Variants in MACF1 observed in about 807,000 individuals in gnomAD.
MACF1 encodes the protein microtubule-actin cross-linking factor 1.
MACF1 carries 193 observed loss-of-function variants against 854.8 expected under a neutral mutation model. That is an observed-to-expected ratio of 0.23 (90% CI 0.20 to 0.25). The LOEUF (loss-of-function observed/expected upper bound fraction) is 0.25. MACF1 is among the 10% of genes least tolerant of loss of function. The probability of loss-of-function intolerance (pLI) is 1.00; values close to 1 mark genes in which losing one functional copy is unlikely to be tolerated. For missense variants in MACF1, 7,722 were observed against 8,929.1 expected, an observed-to-expected ratio of 0.86 and a Z score of 5.45; for synonymous variants, 3,185 against 3,226.7, an observed-to-expected ratio of 0.99 and a Z score of 0.44.
At chr1:39,453,205 G>A (rs1483188189) in intron 87 of MACF1, among the ~76,000 whole-genome samples, 2 of 152,030 alleles carry the variant, frequency 1.3e-5, no homozygotes, top group East Asian at 3.9e-4. Flanking sequence ...GCAGTGTCTG[G>A]GGTCTCAGTC....
chr1:39,205,845 G>C (rs1644444244), intron 1 of MACF1, among the ~76,000 whole-genome samples: 1 of 151,950 alleles, frequency 6.6e-6, no homozygotes, highest in South Asian at 2.1e-4. Flanking sequence ...TTCCCATATT[G>C]CTATTAGTTA....
rs747118167 is a variant in MACF1, at chr1:39,295,130, C to G, written c.2239C>G (p.Pro747Ala). Reference protein sequence around the residue: ...TAELLSLENHPAKQTVEAYSA... With the variant: ...TAELLSLENHAAKQTVEAYSA... ...AGAACTACTTTCACTTGAGAACCAC[C>G]CAGCCAAGCAGACAGTGGAGGTGTG... The change falls in exon 19 of 101, where the codon CCA (proline) becomes GCA (alanine). Residue 747 changes from proline to alanine, a missense_variant. Pro to Ala is a conservative substitution (Grantham distance 27, BLOSUM62 -1). This residue lies in a region of MACF1 where 1,137 missense variants were observed against 1,263.0 expected (regional missense o/e 0.90). Transcript: ENST00000564288. 1 of 1,613,836 alleles carries G rather than the reference C, an allele frequency of 6.2e-7. No homozygotes were observed. The highest frequency in any genetic ancestry group is 8.5e-7 in the Non-Finnish European group (1 of 1,179,854).
At position 39,332,737 on chromosome 1, in the gene MACF1, A is replaced by C. The variant is rs745676927; in HGVS notation, c.6149A>C (p.Glu2050Ala). The change falls in exon 37 of 101, where the codon GAA becomes GCA. Residue 2050 changes from glutamate (E) to alanine (A), a missense_variant. Transcript: ENST00000564288. ...TTCCAGTTTTCTTCTCAGAACAAAG[A>C]ATATCCCGATCGGGAAGATTGCACT... ...PEFQFSSQNK[E>A]YPDREDCTTE... The C allele has an allele frequency of 6.2e-7, 1 of 1,614,228 alleles. No homozygotes were observed. Among genetic ancestry groups the C allele is most frequent in the African/African-American group, 1.3e-5 (1 of 75,070 alleles).
At chr1:39,275,595 G>A (rs2252890) in intron 6 of MACF1, among the ~76,000 whole-genome samples, 9,172 of 152,156 alleles carry the variant, frequency 0.06, 359 homozygotes, top group African/African-American at 0.11. Flanking sequence ...TGTAGGCGAG[G>A]ATGAAGAGTG....
At position 39,297,780 on chromosome 1, in the gene MACF1, A is replaced by T. The variant is rs747549411; in HGVS notation, c.2481+35A>T. 4 of 1,611,504 alleles carry T rather than the reference A, an allele frequency of 2.5e-6. No individual in the cohort carries two copies. The East Asian group carries it at 8.9e-5, about 36-fold the overall frequency. On this transcript the variant is annotated intron_variant, in intron 21 of 100. Coordinates refer to ENST00000564288, the MANE Select transcript of MACF1 (RefSeq NM_001394062.1). ...GCCTCAGTGGGGATGATTACTTCTG[A>T]GAAAGAGAGTAAACCATATCAGCTG...
intron 23 of MACF1, chr1:39,304,594 T>G: frequency 9.9e-6 from 7 of 706,728 alleles, no homozygotes; most frequent in Non-Finnish European, 1.4e-5. Flanking sequence ...GACAGAGCCT[T>G]GCTCTGTCGC....
intron 33 of MACF1, 93 bp downstream of exon 33, chr1:39,323,101 TG>T: frequency 8.5e-7 from 1 of 1,179,128 alleles, no homozygotes; most frequent in Admixed American, 1.7e-5. Flanking sequence ...GGTACCCAGG[TG>T]GCTGAGTTGG....
chr1:39,385,110 C>T (rs666885), intron 56 of MACF1, among the ~76,000 whole-genome samples: 4,680 of 152,254 alleles, frequency 0.031, 184 homozygotes, highest in African/African-American at 0.086. Context: ...CTCTGTTGCC[C>T]AGGCTGGAGT....
intron 13 of MACF1, 37 bp downstream of exon 13, chr1:39,285,427 CAT>C: frequency 6.2e-7 from 1 of 1,602,126 alleles, no homozygotes; most frequent in Non-Finnish European, 8.5e-7. Context: ...ATCTGTGTCA[CAT>C]GTTTCCTGCT....
chr1:39,210,347 A>T (rs1644500616), intron 1 of MACF1, among the ~76,000 whole-genome samples: 1 of 151,832 alleles, frequency 6.6e-6, no homozygotes. Flanking sequence ...ATCAAGGTAG[A>T]GTCTTTGTCT....
At chr1:39,296,716 C>G (rs370003875) in intron 20 of MACF1, among the ~76,000 whole-genome samples, 52 of 130,380 alleles carry the variant, frequency 4.0e-4, no homozygotes, top group African/African-American at 1.6e-3. Context: ...GGCAACAGAG[C>G]AAGTGTCTAA....
At chr1:39,366,974 G>A (rs1648773094) in intron 49 of MACF1, among the ~76,000 whole-genome samples, 1 of 121,176 alleles carries the variant, frequency 8.3e-6, no homozygotes, top group African/African-American at 3.3e-5. Context: ...TGGAGGCGGA[G>A]TCTCACTCTG....
upstream of MACF1, among the ~76,000 whole-genome samples, chr1:39,202,005 C>G (rs1176707687): frequency 1.6e-5 from 2 of 124,998 alleles, no homozygotes; most frequent in South Asian, 5.5e-4. Context: ...CTCACTCTGT[C>G]TCCCAGGCTG....
rs113810415 is a variant in MACF1, at chr1:39,095,057, T to TA, written c.220+10620dup. ...GTTATCCTGGAAGCTCCCTGAATCT[T>TA]AGGCCTTTCATGGAGACTTCCTTGG... On this transcript the variant is annotated intron_variant, in intron 2 of 93. Coordinates refer to the MACF1 transcript ENST00000361689. 1.9e-3 allele frequency among the ~76,000 whole-genome samples: 294 copies of TA among 152,286 alleles called. 2 individuals carry two copies. Among genetic ancestry groups the TA allele is most frequent in the African/African-American group, 6.8e-3 (283 of 41,568 alleles).
At chr1:39,370,336 T>G in intron 51 of MACF1, 150 bp downstream of exon 51, 3 of 670,264 alleles carry the variant, frequency 4.5e-6, no homozygotes, top group Non-Finnish European at 7.3e-6. Context: ...CTTCATATGA[T>G]AACCATCTAC....
chr1:39,388,466 G>A lies in MACF1; in HGVS notation c.15624G>A (p.Gln5208=). Residue 5208 remains glutamine, a synonymous_variant, in exon 58 of 101, where the codon CAG becomes CAA. Coordinates refer to ENST00000564288, the MANE Select transcript of MACF1 (RefSeq NM_001394062.1). ...LKRELEALNK[Q]CGKLTERGKA... ...GGGAGCTAGAAGCCCTGAACAAACA[G>A]TGTGGCAAACTGACAGAGAGGGGGA... 1.2e-6 allele frequency: 2 copies of A among 1,614,158 alleles called. No homozygotes were observed. The highest frequency in any genetic ancestry group is 1.7e-6 in the Non-Finnish European group (2 of 1,180,034).
chr1:39,327,295 G>A lies in MACF1; in HGVS notation c.4556G>A (p.Gly1519Asp). Residue 1519 changes from glycine to aspartate, a missense_variant, in exon 36 of 101, where the codon GGT becomes GAT. Transcript: ENST00000564288. ...LNKAYHDLCD[G>D]SANQLQQLQS... ...AAGGCTTACCATGACCTTTGTGATG[G>A]TTCTGCAAATCAGCTTCAGCAGCTT... The A allele has an allele frequency of 6.2e-7, 1 of 1,607,734 alleles. No homozygotes were observed. The highest frequency in any genetic ancestry group is 8.5e-7 in the Non-Finnish European group (1 of 1,174,824).
intron 2 of MACF1, among the ~76,000 whole-genome samples, chr1:39,100,908 A>G (rs9438998): frequency 0.68 from 102,418 of 151,300 alleles, 35,530 homozygotes; most frequent in East Asian, 0.99. Context: ...ATACAAATGC[A>G]CGCGCGCGTG....
chr1:39,417,297 G>A (rs1344487560), intron 58 of MACF1, among the ~76,000 whole-genome samples: 1 of 152,272 alleles, frequency 6.6e-6, no homozygotes, highest in East Asian at 1.9e-4. Flanking sequence ...TAAATTCCCT[G>A]CTTATTTATA....
Sources: gnomAD v4.1 joint callset for allele counts (sites outside exome capture counted in the v4.1 genomes callset) on GRCh38, gnomAD v4.1.1 for gene constraint, gnomAD v4.1.1 regional missense constraint, MANE v1.5 for transcripts, NCBI Gene and HGNC (gene_info 2026-07-23, HGNC 2026-07-21) for gene names.